Variants in ACTN1 observed in about 807,000 individuals in gnomAD.
ACTN1 encodes alpha-actinin-1.
In ACTN1, 30 loss-of-function variants were observed where a neutral mutation model predicts 119.6. The ratio of observed to expected loss-of-function variants is 0.25; its 90% confidence interval spans 0.19 to 0.34. The LOEUF (loss-of-function observed/expected upper bound fraction) is 0.34. ACTN1 is among the 10% of genes least tolerant of loss of function. The pLI, the probability that ACTN1 is intolerant of heterozygous loss-of-function variation, is 1.00. For synonymous variants in ACTN1, 429 were observed against 472.6 expected (o/e 0.91, Z 1.20); for missense variants, 764 against 1,223.4 (o/e 0.62, Z 5.60).
Position 68,909,532 on chromosome 14 carries a change from G to A in ACTN1, c.516-136C>T, listed in dbSNP as rs2033874332. ...TTCTGGGGTAGGAGTTAGAAGACAG[G>A]ATGGGAAGGGACATTTCTTCCTGCC... On this transcript the variant is annotated intron_variant, in intron 5 of 21. Transcript: ENST00000394419. This position sits in a 1 kb window ranked among gnomAD's most constrained non-coding sequence, Gnocchi z 4.1. The A allele has an allele frequency of 4.0e-6, 3 of 753,948 alleles. No individual in the cohort carries two copies. The highest frequency in any genetic ancestry group is 4.5e-6 in the Non-Finnish European group (2 of 449,016). 46.7% of individuals were successfully genotyped at this position (753,948 alleles called of 1,614,324 possible).
intron 8 of ACTN1, among the ~76,000 whole-genome samples, chr14:68,898,683 G>A (rs2033054415): frequency 6.6e-6 from 1 of 152,078 alleles, no homozygotes; most frequent in African/African-American, 2.4e-5. Context: ...CACCTTAGAA[G>A]TGGTGGGGGC....
At chr14:68,934,393 G>A (rs994418108) in intron 1 of ACTN1, among the ~76,000 whole-genome samples, 5 of 152,256 alleles carry the variant, frequency 3.3e-5, no homozygotes, top group Non-Finnish European at 5.9e-5. Flanking sequence ...GACATGTCAC[G>A]CACATGCTGC....
chr14:68,925,423 A>T lies in ACTN1; in HGVS notation c.220+135T>A. 2.0e-6 allele frequency: 1 copy of T among 510,226 alleles called. No individual in the cohort carries two copies. The highest frequency in any genetic ancestry group is 3.3e-6 in the Non-Finnish European group (1 of 301,326). 31.6% of individuals were successfully genotyped at this position (510,226 alleles called of 1,614,324 possible). On this transcript the variant is annotated intron_variant, in intron 2 of 21. Transcript: ENST00000394419. This position sits in a 1 kb window ranked among gnomAD's most constrained non-coding sequence, Gnocchi z 4.3. ...AACCAGAACTCAGACCCACGCTCCT[A>T]GGATGAATTCATACATGTCATCCCC...
chr14:68,896,069 A>C (rs953538997), intron 8 of ACTN1, among the ~76,000 whole-genome samples: 5 of 152,160 alleles, frequency 3.3e-5, no homozygotes, highest in Non-Finnish European at 5.9e-5. Context: ...GAAATAACAC[A>C]CAAGTACCAC....
intron 3 of ACTN1, among the ~76,000 whole-genome samples, chr14:68,912,768 G>T (rs2034081638): frequency 6.6e-6 from 1 of 152,160 alleles, no homozygotes; most frequent in South Asian, 2.1e-4. Context: ...ATCAATCCTA[G>T]TTGGAGACAG....
chr14:68,919,653 T>G (rs1041031083), intron 3 of ACTN1, among the ~76,000 whole-genome samples: 1 of 152,226 alleles, frequency 6.6e-6, no homozygotes, highest in African/African-American at 2.4e-5. Context: ...GGGGAGATGC[T>G]GGAATCCATA....
chr14:68,874,912 C>A lies in ACTN1; in HGVS notation c.2692G>T (p.Ala898Ser). 2 of 1,610,714 alleles carry A rather than the reference C, an allele frequency of 1.2e-6. No homozygotes were observed. ...PYTGPDSVPG[A>S]LDYMSFSTAL... ...GTGGAGAAGGACATGTAGTCCAGAG[C>A]ACCTGGCACGGAGTCGGGGCCGGTG... Residue 898 changes from alanine (A) to serine (S), a missense_variant, in exon 22 of 22, where the codon GCT becomes TCT. This residue lies in a region of ACTN1 where 102 missense variants were observed against 78.2 expected (regional missense o/e 1.30). Coordinates refer to ENST00000394419, the MANE Select transcript of ACTN1 (RefSeq NM_001130004.2).
chr14:68,885,270 G>GATA lies in ACTN1; in HGVS notation c.1385+152_1385+154dup, dbSNP rs964768238. Among the ~76,000 whole-genome samples, 1 of 152,098 alleles carries GATA rather than the reference G, an allele frequency of 6.6e-6. No homozygotes were observed. Among genetic ancestry groups the GATA allele is most frequent in the Admixed American group, 6.5e-5 (1 of 15,274 alleles). ...CCCGGGCTCCTTCCCCACCAGGAGAGATATTTGTCTCCTGCGTTGACTCCC... is the reference window on the plus strand; with the variant it reads ...CCCGGGCTCCTTCCCCACCAGGAGAGATAATATTTGTCTCCTGCGTTGACTCCC... On this transcript the variant is annotated intron_variant, in intron 12 of 21. Coordinates refer to ENST00000394419, the MANE Select transcript of ACTN1 (RefSeq NM_001130004.2). This position sits in a 1 kb window ranked among gnomAD's most constrained non-coding sequence, Gnocchi z 5.6.
At chr14:68,875,082 A>G in intron 21 of ACTN1, 65 bp from the exon 22 acceptor site, 1 of 1,597,292 alleles carries the variant, frequency 6.3e-7, no homozygotes. Context: ...GCGGCCCGAC[A>G]CAGCCGCAAA....
At chr14:68,919,123 T>C (rs898782987) in intron 3 of ACTN1, among the ~76,000 whole-genome samples, 1 of 152,216 alleles carries the variant, frequency 6.6e-6, no homozygotes, top group Non-Finnish European at 1.5e-5. Context: ...AGCAAACAAG[T>C]TATTTTTTTA....
At chr14:68,915,305 G>T (rs1477254690) in intron 3 of ACTN1, among the ~76,000 whole-genome samples, 1 of 150,294 alleles carries the variant, frequency 6.7e-6, no homozygotes, top group Non-Finnish European at 1.5e-5. Flanking sequence ...CCCTGCTCGG[G>T]CCTCCCTGCA....
At chr14:68,964,241 C>T (rs2036630360) in intron 1 of ACTN1, among the ~76,000 whole-genome samples, 2 of 152,206 alleles carry the variant, frequency 1.3e-5, no homozygotes, top group Admixed American at 6.5e-5. Context: ...CAGCAAGCAG[C>T]TGCAGGAAGC....
chr14:68,882,724 C>G lies in ACTN1; in HGVS notation c.1819-132G>C. On this transcript the variant is annotated intron_variant, in intron 15 of 21. Coordinates refer to ENST00000394419, the MANE Select transcript of ACTN1 (RefSeq NM_001130004.2). This position sits in a 1 kb window ranked among gnomAD's most constrained non-coding sequence, Gnocchi z 4.5. Reference sequence around the variant, plus strand: ...ACAGGAGTAAAGGTGTCAACCTGTTCTGGAAACCCAGTCATTTGACATTTG... The same window carrying G: ...ACAGGAGTAAAGGTGTCAACCTGTTGTGGAAACCCAGTCATTTGACATTTG... The G allele has an allele frequency of 4.0e-6, 6 of 1,512,790 alleles. No homozygotes were observed. Among genetic ancestry groups the G allele is most frequent in the Non-Finnish European group, 5.4e-6 (6 of 1,113,878 alleles). 93.7% of individuals were successfully genotyped at this position (1,512,790 alleles called of 1,614,324 possible).
chr14:68,921,694 T>G (rs1363502553), intron 2 of ACTN1, among the ~76,000 whole-genome samples: 1 of 152,198 alleles, frequency 6.6e-6, no homozygotes, highest in Non-Finnish European at 1.5e-5. Context: ...GAACTCCTTC[T>G]AGCCTTCCCT....
rs1383093793 is a variant in ACTN1, at chr14:68,885,585, G to A, written c.1235-10C>T. ...AGCATGGCCTCTTTGCCTGGGTTGA[G>A]AGAGGGCCACATGGCTGAGCTGGAG... On this transcript the variant is annotated splice_polypyrimidine_tract_variant and intron_variant, in intron 11 of 21. Coordinates refer to ENST00000394419, the MANE Select transcript of ACTN1 (RefSeq NM_001130004.2). The surrounding 1 kb of genome is among the most constrained non-coding windows in gnomAD (Gnocchi z 5.6). The A allele has an allele frequency of 1.2e-6, 2 of 1,611,484 alleles. No individual in the cohort carries two copies.
intron 3 of ACTN1, among the ~76,000 whole-genome samples, chr14:68,918,374 G>A (rs2140337165): frequency 6.6e-6 from 1 of 152,188 alleles, no homozygotes; most frequent in Non-Finnish European, 1.5e-5. Context: ...GAGGTCAGGA[G>A]ATCGAGACCA....
Position 68,875,001 on chromosome 14 carries a change from T to C in ACTN1, c.2603A>G (p.Asp868Gly). ...LAGDKNYITM[D>G]ELRRELPPDQ... ...GGGTGGCAGCTCGCGGCGCAGCTCG[T>C]CCATGGTAATGTAGTTCTGCGAGGA... The change falls in exon 22 of 22, where the codon GAC (aspartate) becomes GGC (glycine). Residue 868 changes from aspartate to glycine, a missense_variant. Transcript: ENST00000394419. 2.5e-6 allele frequency: 4 copies of C among 1,613,486 alleles called. No homozygotes were observed. The highest frequency in any genetic ancestry group is 2.2e-5 in the South Asian group (2 of 91,090).
rs116163088 is a variant in ACTN1, at chr14:68,965,986, A to T, written c.105+12966T>A. The stretch of plus-strand genomic sequence containing the variant: ...GTAATCCCAGCACTTTGGGAGGCCG[A>T]GGCAGGAGATCGTTTAAGCCCAGGA... On this transcript the variant is annotated intron_variant, in intron 1 of 21. Coordinates refer to ENST00000394419, the MANE Select transcript of ACTN1 (RefSeq NM_001130004.2). Among the ~76,000 whole-genome samples, 1,168 of 152,298 alleles carry T rather than the reference A, an allele frequency of 7.7e-3. 14 individuals are homozygous for T. The highest frequency in any genetic ancestry group is 0.027 in the African/African-American group (1,103 of 41,562).
chr14:68,877,618 T>C (rs2031052338), intron 20 of ACTN1: 1 of 186,954 alleles, frequency 5.3e-6, no homozygotes, highest in Non-Finnish European at 1.1e-5. Flanking sequence ...ATTATCTTCA[T>C]TGTACAGATG....
Sources: gnomAD v4.1 joint callset for allele counts (sites outside exome capture counted in the v4.1 genomes callset) on GRCh38, gnomAD v4.1.1 for gene constraint, gnomAD v4.1.1 regional missense constraint, Gnocchi (gnomAD v3.1) non-coding constraint, MANE v1.5 for transcripts, NCBI Gene and HGNC (gene_info 2026-07-23, HGNC 2026-07-21) for gene names.